The following SPAG16 variants were observed in gnomAD, a reference collection of about 807,000 sequenced individuals.
SPAG16 encodes the protein sperm-associated antigen 16 protein.
In SPAG16, 86 loss-of-function variants were observed where a neutral mutation model predicts 80.4. That is an observed-to-expected ratio of 1.07 (90% CI 0.90 to 1.28). SPAG16 has a LOEUF of 1.28. Among genes scored for constraint, SPAG16 ranks in the 50% most tolerant of loss-of-function variants. The pLI is 0.00. For synonymous variants in SPAG16, 294 were observed against 265.9 expected (o/e 1.11, Z -1.03); for missense variants, 870 against 765.3 (o/e 1.14, Z -1.61).
chr2:213,703,828 G>C (rs774011963), intron 10 of SPAG16, among the ~76,000 whole-genome samples: 6 of 152,200 alleles, frequency 3.9e-5, no homozygotes, highest in Non-Finnish European at 8.8e-5. Flanking sequence ...TGCTGGGCTG[G>C]CAGATACGTT....
intron 15 of SPAG16, among the ~76,000 whole-genome samples, chr2:214,359,280 G>C (rs866811356): frequency 5.9e-5 from 9 of 151,796 alleles, no homozygotes; most frequent in African/African-American, 2.2e-4. Flanking sequence ...GTTTGTATAG[G>C]TAATGATGAT....
Position 214,410,426 on chromosome 2 carries a change from G to A in SPAG16, c.*111G>A. 1 of 1,038,962 alleles carries A rather than the reference G, an allele frequency of 9.6e-7. No individual in the cohort carries two copies. Among genetic ancestry groups the A allele is most frequent in the Non-Finnish European group, 1.4e-6 (1 of 719,996 alleles). The allele number at this position is 1,038,962 out of a possible 1,614,324, so 64.4% of individuals were successfully genotyped here. ...AATGTGCCAGCAGGTAACATTTACA[G>A]TCTGCTTTAAAACATGCTTTGGACA... On this transcript the variant is annotated 3_prime_UTR_variant, in exon 16 of 16. Coordinates refer to ENST00000331683, the MANE Select transcript of SPAG16 (RefSeq NM_024532.5).
chr2:213,548,831 T>TA (rs2076696833), intron 10 of SPAG16, among the ~76,000 whole-genome samples: 1 of 152,102 alleles, frequency 6.6e-6, no homozygotes, highest in Admixed American at 6.5e-5. Context: ...AAGTTTTGAA[T>TA]AAAAAATTAT....
chr2:214,217,491 T>C (rs1306206137), intron 15 of SPAG16, among the ~76,000 whole-genome samples: 1 of 152,210 alleles, frequency 6.6e-6, no homozygotes, highest in Non-Finnish European at 1.5e-5. Context: ...GTAAGATCCC[T>C]ATCAGTCTGG....
At chr2:214,032,822 A>G (rs534420553) in intron 13 of SPAG16, among the ~76,000 whole-genome samples, 2 of 152,308 alleles carry the variant, frequency 1.3e-5, no homozygotes, top group Admixed American at 6.5e-5. Flanking sequence ...AGGTGCAAAG[A>G]CTATGGATGA....
intron 12 of SPAG16, among the ~76,000 whole-genome samples, chr2:214,005,212 C>T (rs1035007834): frequency 6.6e-6 from 1 of 152,180 alleles, no homozygotes; most frequent in Admixed American, 6.5e-5. Flanking sequence ...TTAACCCCAG[C>T]CCTCCTGCAC....
At chr2:213,987,243 G>A (rs551914935) in intron 12 of SPAG16, among the ~76,000 whole-genome samples, 21 of 151,986 alleles carry the variant, frequency 1.4e-4, no homozygotes, top group South Asian at 1.2e-3. Context: ...GGTCTAACTC[G>A]GGCATGACAC....
intron 10 of SPAG16, among the ~76,000 whole-genome samples, chr2:213,676,647 G>T (rs182460520): frequency 9.1e-4 from 139 of 152,206 alleles, no homozygotes; most frequent in Middle Eastern, 3.4e-3. Context: ...TAATCATGTG[G>T]TTTTTGTCTT....
At chr2:213,889,265 T>C (rs1160802862) in intron 11 of SPAG16, among the ~76,000 whole-genome samples, 1 of 151,896 alleles carries the variant, frequency 6.6e-6, no homozygotes, top group Non-Finnish European at 1.5e-5. Flanking sequence ...TTCTATATAG[T>C]GTATAAATAT....
intron 15 of SPAG16, among the ~76,000 whole-genome samples, chr2:214,305,524 T>C (rs1422329509): frequency 2.0e-5 from 3 of 152,236 alleles, no homozygotes; most frequent in East Asian, 3.8e-4. Context: ...TTTAAGTCTT[T>C]AATGTATCTT....
intron 9 of SPAG16, among the ~76,000 whole-genome samples, chr2:213,407,726 GAGAGAGAGAGACAGGAGAGAGGC>G (rs1302774899): frequency 5.2e-5 from 5 of 96,012 alleles, no homozygotes; most frequent in African/African-American, 1.5e-4. Flanking sequence ...AGAGAGACAG[GAGAGAGAGAGACAGGAGAGAGGC>G]AGAGAGAGAC....
chr2:214,162,195 A>G (rs1440316863), intron 15 of SPAG16, among the ~76,000 whole-genome samples: 1 of 152,146 alleles, frequency 6.6e-6, no homozygotes, highest in Non-Finnish European at 1.5e-5. Context: ...GCCTAATGCC[A>G]TGTGTCTGAT....
At chr2:213,884,715 T>C (rs10174347) in intron 11 of SPAG16, among the ~76,000 whole-genome samples, 1 of 151,948 alleles carries the variant, frequency 6.6e-6, no homozygotes, top group Non-Finnish European at 1.5e-5. Flanking sequence ...ATTTTTATCT[T>C]ACTGTGTTGA....
At chr2:213,486,265 C>A (rs975452162) in intron 9 of SPAG16, among the ~76,000 whole-genome samples, 1 of 152,096 alleles carries the variant, frequency 6.6e-6, no homozygotes, top group Admixed American at 6.5e-5. Context: ...CCAATCAATT[C>A]TCTGTCTTCT....
intron 15 of SPAG16, among the ~76,000 whole-genome samples, chr2:214,347,627 C>A (rs1344534534): frequency 6.6e-6 from 1 of 152,118 alleles, no homozygotes; most frequent in East Asian, 1.9e-4. Flanking sequence ...CATAGTGCTT[C>A]TAAAGGTATT....
At chr2:213,573,914 T>C (rs1043703030) in intron 10 of SPAG16, among the ~76,000 whole-genome samples, 1 of 152,192 alleles carries the variant, frequency 6.6e-6, no homozygotes, top group Non-Finnish European at 1.5e-5. Flanking sequence ...TTAATGTGCA[T>C]ACTTGTCCCC....
intron 12 of SPAG16, among the ~76,000 whole-genome samples, chr2:213,931,932 T>C (rs114681977): frequency 0.01 from 1,572 of 151,992 alleles, 35 homozygotes; most frequent in African/African-American, 0.035. Flanking sequence ...GCTATTGATA[T>C]ACCTTTCAGA....
In SPAG16 at chr2:213,422,003, C is replaced by T. The variant is rs563344092; in HGVS notation, c.942+46884C>T. The T allele has an allele frequency of 9.5e-5, 55 of 577,554 alleles. No homozygotes were observed. In the South Asian group the frequency reaches 1.1e-3, roughly 12 times the overall value. 35.8% of individuals were successfully genotyped at this position (577,554 alleles called of 1,614,324 possible). A position where few individuals can be genotyped will look rare whatever the true frequency, so the allele number is the denominator to read the frequency against. Reference sequence around the variant, plus strand: ...CAGTAAAGTTCCTCTCTGCCTTGCCCATCCACCTACCAGTTTTTCATGTAC... The same window carrying T: ...CAGTAAAGTTCCTCTCTGCCTTGCCTATCCACCTACCAGTTTTTCATGTAC... On this transcript the variant is annotated intron_variant, in intron 9 of 15. Transcript: ENST00000331683.
chr2:214,020,640 A>T (rs2047816622), intron 13 of SPAG16, among the ~76,000 whole-genome samples: 1 of 152,174 alleles, frequency 6.6e-6, no homozygotes, highest in Non-Finnish European at 1.5e-5. Context: ...CAAAAAATAC[A>T]AAACTCCTAA....
Sources: allele counts gnomAD v4.1 joint callset (sites outside exome capture counted in the v4.1 genomes callset), GRCh38; gene constraint gnomAD v4.1.1; transcripts MANE v1.5; gene names NCBI Gene and HGNC (gene_info 2026-07-23, HGNC 2026-07-21).